The following CCDC102B variants were observed in gnomAD, a reference collection of about 807,000 sequenced individuals.
CCDC102B encodes the protein coiled-coil domain-containing protein 102B.
A neutral mutation model predicts 57.4 loss-of-function variants in CCDC102B; 75 were observed. That is an observed-to-expected ratio of 1.31 (90% CI 1.08 to 1.58). CCDC102B has a LOEUF of 1.58. Among genes scored for constraint, CCDC102B ranks in the 40% most tolerant of loss-of-function variants. The pLI, the probability that CCDC102B is intolerant of heterozygous loss-of-function variation, is 0.00. For synonymous variants in CCDC102B, 206 were observed against 201.9 expected (o/e 1.02, Z -0.17); for missense variants, 636 against 582.6 (o/e 1.09, Z -0.94).
chr18:68,760,847 G>A (rs2034230640), intron 2 of CCDC102B, among the ~76,000 whole-genome samples: 1 of 152,052 alleles, frequency 6.6e-6, no homozygotes, highest in African/African-American at 2.4e-5. Flanking sequence ...TGGGTGAATT[G>A]AAAACTTTTC....
chr18:68,969,478 CTT>C (rs74175340), intron 6 of CCDC102B, among the ~76,000 whole-genome samples: 13 of 137,266 alleles, frequency 9.5e-5, no homozygotes, highest in Non-Finnish European at 1.1e-4. Context: ...TCCTTTTAAT[CTT>C]TTTTTTTTTT....
At position 68,991,667 on chromosome 18, in the gene CCDC102B, T is replaced by A. The variant is rs115016875; in HGVS notation, c.1264-19267T>A. On this transcript the variant is annotated intron_variant, in intron 6 of 7. Coordinates refer to ENST00000360242, the MANE Select transcript of CCDC102B (RefSeq NM_024781.3). ...CTAGGGATGCAAAATGCTGCATGAATGCTAAATTATATTTGTTAGAGTTGT... is the reference window on the plus strand; with the variant it reads ...CTAGGGATGCAAAATGCTGCATGAAAGCTAAATTATATTTGTTAGAGTTGT... Among the ~76,000 whole-genome samples, 554 of 152,360 alleles carry A rather than the reference T, an allele frequency of 3.6e-3. 7 individuals are homozygous for A. The highest frequency in any genetic ancestry group is 0.013 in the African/African-American group (536 of 41,590).
At chr18:68,832,714 T>G (rs1356262814) in intron 1 of CCDC102B, among the ~76,000 whole-genome samples, 1 of 152,030 alleles carries the variant, frequency 6.6e-6, no homozygotes, top group African/African-American at 2.4e-5. Context: ...GATCACGGGT[T>G]TAGTTAGTAG....
intron 4 of CCDC102B, among the ~76,000 whole-genome samples, chr18:68,854,077 TA>T (rs1218629297): frequency 7.4e-6 from 1 of 135,952 alleles, no homozygotes; most frequent in East Asian, 2.2e-4. Context: ...TATGTTAGCA[TA>T]ATACTTTTTC....
intron 2 of CCDC102B, among the ~76,000 whole-genome samples, chr18:68,759,232 C>T (rs1474204470): frequency 6.6e-6 from 1 of 151,748 alleles, no homozygotes; most frequent in Non-Finnish European, 1.5e-5. Flanking sequence ...GGATGTTTAC[C>T]ATCTTAAAAA....
rs79196036 is a variant in CCDC102B, at chr18:68,799,800, G to A, written c.-16+1619G>A. On this transcript the variant is annotated intron_variant, in intron 1 of 7. Coordinates refer to ENST00000360242, the MANE Select transcript of CCDC102B (RefSeq NM_024781.3). ...AGCATAGAGCATAAAAGAATGGTGA[G>A]TAATTTATCTGATTGGAGCAGAAAA... Among the ~76,000 whole-genome samples, 1,321 of 152,268 alleles carry A rather than the reference G, an allele frequency of 8.7e-3. 24 individuals are homozygous for A. The highest frequency in any genetic ancestry group is 0.03 in the African/African-American group (1,253 of 41,558).
At chr18:68,915,307 A>C (rs993313525) in intron 6 of CCDC102B, among the ~76,000 whole-genome samples, 4 of 152,212 alleles carry the variant, frequency 2.6e-5, no homozygotes, top group Non-Finnish European at 2.9e-5. Flanking sequence ...ATATGGACAC[A>C]TGATTAACTG....
intron 6 of CCDC102B, among the ~76,000 whole-genome samples, chr18:68,969,623 T>C: frequency 6.6e-6 from 1 of 152,178 alleles, no homozygotes. Flanking sequence ...TATCATAATA[T>C]ACATAGTGAT....
intron 4 of CCDC102B, among the ~76,000 whole-genome samples, chr18:68,871,599 C>T (rs1305419016): frequency 2.6e-5 from 4 of 151,878 alleles, no homozygotes; most frequent in Non-Finnish European, 5.9e-5. Flanking sequence ...GTTTTAATGG[C>T]TTTAGTTGTA....
intron 3 of CCDC102B, among the ~76,000 whole-genome samples, chr18:68,845,814 C>T (rs1371118000): frequency 6.6e-6 from 1 of 151,714 alleles, no homozygotes; most frequent in Non-Finnish European, 1.5e-5. Context: ...TTCTTTATTA[C>T]AATCAAATTT....
intron 2 of CCDC102B, among the ~76,000 whole-genome samples, chr18:68,730,921 G>A (rs770205547): frequency 6.6e-6 from 1 of 152,090 alleles, no homozygotes; most frequent in Non-Finnish European, 1.5e-5. Context: ...GATCTTCTTT[G>A]GCACATTTAA....
At chr18:68,847,416 T>G (rs1168375579) in intron 4 of CCDC102B, among the ~76,000 whole-genome samples, 1 of 136,962 alleles carries the variant, frequency 7.3e-6, no homozygotes, top group Non-Finnish European at 1.7e-5. Flanking sequence ...AGTGTAAAAT[T>G]TAAGTAAAAA....
chr18:68,737,230 G>A (rs1173795198), intron 2 of CCDC102B, among the ~76,000 whole-genome samples: 1 of 152,100 alleles, frequency 6.6e-6, no homozygotes, highest in Admixed American at 6.5e-5. Context: ...ATTCTTGACA[G>A]TCCCTGGGGA....
chr18:68,797,757 C>CTTTTTTT (rs11409982), upstream of CCDC102B, among the ~76,000 whole-genome samples: 1 of 128,070 alleles, frequency 7.8e-6, no homozygotes, highest in Non-Finnish European at 1.6e-5. Context: ...ACTTCCTGGG[C>CTTTTTTT]TTTTTTTTTT....
chr18:68,963,999 GA>G (rs1040313942), intron 6 of CCDC102B, among the ~76,000 whole-genome samples: 9 of 151,832 alleles, frequency 5.9e-5, no homozygotes, highest in African/African-American at 2.2e-4. Flanking sequence ...TTATGGCAGA[GA>G]TGTCAAATTT....
intron 7 of CCDC102B, among the ~76,000 whole-genome samples, chr18:69,039,761 C>CT (rs1287234134): frequency 6.6e-6 from 1 of 151,802 alleles, no homozygotes; most frequent in African/African-American, 2.4e-5. Flanking sequence ...CTTCCAGTCT[C>CT]TATTTTGTAG....
intron 6 of CCDC102B, among the ~76,000 whole-genome samples, chr18:68,920,479 A>G (rs2041239231): frequency 6.6e-6 from 1 of 152,270 alleles, no homozygotes; most frequent in South Asian, 2.1e-4. Flanking sequence ...GCTGATAAAG[A>G]TATACCTGAG....
chr18:68,780,118 G>A (rs563335526), intron 2 of CCDC102B, among the ~76,000 whole-genome samples: 23 of 152,042 alleles, frequency 1.5e-4, no homozygotes, highest in African/African-American at 4.3e-4. Context: ...TATACAATAC[G>A]TTGTTTTTTT....
chr18:68,979,781 C>T (rs1276440015), intron 6 of CCDC102B, among the ~76,000 whole-genome samples: 1 of 151,898 alleles, frequency 6.6e-6, no homozygotes, highest in Non-Finnish European at 1.5e-5. Flanking sequence ...TGCAGGTTGG[C>T]AGGTTCAACC....
Sources: allele counts gnomAD v4.1 joint callset (sites outside exome capture counted in the v4.1 genomes callset), GRCh38; gene constraint gnomAD v4.1.1; transcripts MANE v1.5; gene names NCBI Gene and HGNC (gene_info 2026-07-23, HGNC 2026-07-21).